Variants in LRRC4C observed in about 807,000 individuals in gnomAD.
LRRC4C encodes the protein leucine rich repeat containing 4C, also known as leucine-rich repeat-containing protein 4C.
LRRC4C carries 5 observed loss-of-function variants against 33.6 expected under a neutral mutation model. The observed-to-expected ratio is 0.15, with a 90% confidence interval of 0.08 to 0.31. The LOEUF (loss-of-function observed/expected upper bound fraction) is 0.31, where lower values mean the gene tolerates loss of function less well. Ranked by LOEUF, LRRC4C falls within the 10% of genes least tolerant of loss-of-function variation. The pLI, the probability that LRRC4C is intolerant of heterozygous loss-of-function variation, is 1.00. For missense variants in LRRC4C, 560 were observed against 796.7 expected (o/e 0.70, Z 3.58); for synonymous variants, 329 against 302.0 (o/e 1.09, Z -0.93).
intron 5 of LRRC4C, among the ~76,000 whole-genome samples, chr11:40,225,855 G>A (rs575128171): frequency 9.2e-5 from 14 of 152,252 alleles, no homozygotes; most frequent in Admixed American, 2.6e-4. Context: ...CTGACCTCAG[G>A]TGATCCGCCC....
At chr11:40,606,593 T>C (rs763205444) in intron 3 of LRRC4C, among the ~76,000 whole-genome samples, 3 of 151,916 alleles carry the variant, frequency 2.0e-5, no homozygotes, top group Non-Finnish European at 4.4e-5. Flanking sequence ...GTAAAGTACA[T>C]GACAATTCAA....
intron 3 of LRRC4C, among the ~76,000 whole-genome samples, chr11:40,452,626 T>C (rs571571436): frequency 6.6e-6 from 1 of 152,302 alleles, no homozygotes; most frequent in African/African-American, 2.4e-5. Context: ...AGTGTGTCGA[T>C]TCCTCAGGGA....
At chr11:40,643,412 T>C (rs1247107951) in intron 3 of LRRC4C, among the ~76,000 whole-genome samples, 1 of 151,986 alleles carries the variant, frequency 6.6e-6, no homozygotes, top group African/African-American at 2.4e-5. Flanking sequence ...CAGGGTAGCG[T>C]CAAAGAAGAT....
At chr11:40,279,788 G>A (rs1215530217) in intron 4 of LRRC4C, among the ~76,000 whole-genome samples, 2 of 152,040 alleles carry the variant, frequency 1.3e-5, no homozygotes, top group Non-Finnish European at 2.9e-5. Flanking sequence ...GGACTCATGG[G>A]GTGTTCTAAA....
At chr11:40,930,154 G>A (rs1957558039) in intron 2 of LRRC4C, among the ~76,000 whole-genome samples, 1 of 152,166 alleles carries the variant, frequency 6.6e-6, no homozygotes, top group South Asian at 2.1e-4. Context: ...TAGTAGGGGA[G>A]GAAGCTGTTC....
intron 3 of LRRC4C, among the ~76,000 whole-genome samples, chr11:40,567,714 G>T (rs968046985): frequency 2.6e-5 from 4 of 152,148 alleles, no homozygotes; most frequent in African/African-American, 9.7e-5. Context: ...CTGGGTTAAT[G>T]GTCTTTCTGC....
At chr11:40,990,623 T>G (rs931434614) in intron 1 of LRRC4C, among the ~76,000 whole-genome samples, 1 of 152,170 alleles carries the variant, frequency 6.6e-6, no homozygotes, top group Non-Finnish European at 1.5e-5. Flanking sequence ...AAGACATTCT[T>G]TGCCTTTTAC....
At chr11:41,084,907 T>C (rs1565369020) in intron 1 of LRRC4C, among the ~76,000 whole-genome samples, 1 of 152,124 alleles carries the variant, frequency 6.6e-6, no homozygotes. Context: ...TTAATTGTAA[T>C]TTAAGTGGTT....
chr11:40,567,049 C>T (rs1957794528), intron 3 of LRRC4C, among the ~76,000 whole-genome samples: 1 of 152,064 alleles, frequency 6.6e-6, no homozygotes, highest in African/African-American at 2.4e-5. Context: ...CTTTGTATTA[C>T]TTTTGACTAC....
chr11:40,336,954 G>A (rs890114540), intron 3 of LRRC4C, among the ~76,000 whole-genome samples: 1 of 96,046 alleles, frequency 1.0e-5, no homozygotes, highest in East Asian at 2.6e-4. Flanking sequence ...TCCAGCCTGG[G>A]GGACAGAGCG....
At chr11:40,576,673 G>GA (rs1958206389) in intron 3 of LRRC4C, among the ~76,000 whole-genome samples, 2 of 152,080 alleles carry the variant, frequency 1.3e-5, no homozygotes, top group African/African-American at 4.8e-5. Context: ...CCCTACGTTG[G>GA]TAGCATTCTT....
At chr11:40,816,233 A>G (rs1403781317) in intron 2 of LRRC4C, among the ~76,000 whole-genome samples, 2 of 152,228 alleles carry the variant, frequency 1.3e-5, no homozygotes, top group Non-Finnish European at 2.9e-5. Context: ...AGAGGTTATC[A>G]GGAGGAACTG....
chr11:41,388,823 C>T (rs1364278824), intron 1 of LRRC4C, among the ~76,000 whole-genome samples: 1 of 151,842 alleles, frequency 6.6e-6, no homozygotes, highest in African/African-American at 2.4e-5. Flanking sequence ...TTAGTAGTTC[C>T]TTAAATACCA....
Position 40,115,087 on chromosome 11 carries a change from C to T in LRRC4C, c.1206G>A (p.Arg402=), listed in dbSNP as rs773514444. 6.2e-7 allele frequency: 1 copy of T among 1,614,200 alleles called. No individual in the cohort carries two copies. Among genetic ancestry groups the T allele is most frequent in the South Asian group, 1.1e-5 (1 of 91,078 alleles). The change falls in exon 7 of 7, where the codon CGG becomes CGA. Residue 402 remains arginine (R), a synonymous_variant. Transcript: ENST00000528697. The surrounding 1 kb of genome is among the most constrained non-coding windows in gnomAD (Gnocchi z 6.7). ...ACGTACCATCACTGAGCACAGCTAT[C>T]CGCACTTTGTACGCCCCATGTGTCA... ...TVMTHGAYKV[R]IAVLSDGTLN... is the part of the protein sequence containing the mutation.
intron 1 of LRRC4C, among the ~76,000 whole-genome samples, chr11:41,273,468 T>C (rs1019877633): frequency 6.6e-6 from 1 of 152,182 alleles, no homozygotes; most frequent in Non-Finnish European, 1.5e-5. Context: ...TAGAGGGCGT[T>C]ATGCTAAATG....
chr11:41,200,970 T>C (rs1251652185), intron 1 of LRRC4C, among the ~76,000 whole-genome samples: 1 of 152,234 alleles, frequency 6.6e-6, no homozygotes, highest in East Asian at 1.9e-4. Context: ...TTTTCACATA[T>C]GAAACTTGTA....
intron 3 of LRRC4C, among the ~76,000 whole-genome samples, chr11:40,432,346 G>A (rs1950968003): frequency 6.6e-6 from 1 of 152,040 alleles, no homozygotes; most frequent in Admixed American, 6.5e-5. Context: ...CTCTCCCTAT[G>A]TACTGGTTAC....
chr11:41,214,932 TGAA>T (rs1340262149), intron 1 of LRRC4C, among the ~76,000 whole-genome samples: 3 of 147,554 alleles, frequency 2.0e-5, no homozygotes, highest in Non-Finnish European at 4.5e-5. Context: ...ATGTTTAACA[TGAA>T]GAGCTTATGA....
intron 2 of LRRC4C, among the ~76,000 whole-genome samples, chr11:40,836,766 A>G (rs1952690056): frequency 1.3e-5 from 2 of 152,124 alleles, no homozygotes; most frequent in South Asian, 4.1e-4. Flanking sequence ...CTAAAAAATC[A>G]CCTATCTCAT....
Sources: gnomAD v4.1 joint callset for allele counts (sites outside exome capture counted in the v4.1 genomes callset) on GRCh38, gnomAD v4.1.1 for gene constraint, Gnocchi (gnomAD v3.1) non-coding constraint, MANE v1.5 for transcripts, NCBI Gene and HGNC (gene_info 2026-07-23, HGNC 2026-07-21) for gene names.